RFXAP: variants seen among roughly 807,000 people sequenced by gnomAD.
The protein encoded by RFXAP is regulatory factor X-associated protein.
In RFXAP, 21 loss-of-function variants were observed where a neutral mutation model predicts 25.7. The ratio of observed to expected loss-of-function variants is 0.82; its 90% CI spans 0.58 to 1.18. RFXAP has a LOEUF of 1.18. RFXAP is among the 50% of genes most tolerant of loss of function. The pLI is 0.00. For synonymous variants in RFXAP, 161 were observed against 152.2 expected, an observed-to-expected ratio of 1.06 and a Z score of -0.43; for missense variants, 333 against 363.0, an observed-to-expected ratio of 0.92 and a Z score of 0.67.
chr13:36,819,987 G>A, intron 1 of RFXAP, 30 bp downstream of exon 1: 3 of 1,610,426 alleles, frequency 1.9e-6, no homozygotes, highest in Non-Finnish European at 2.5e-6. Context: ...CCTGGGGATG[G>A]GAGGTGGAAG....
chr13:36,819,264 C>T lies in RFXAP; in HGVS notation c.-94C>T, dbSNP rs972548261. ...CTTCCCGGTATAGGCGCCTTTTACC[C>T]CAGCGTGTCCTGAGTCTTTGGTTCG... is the stretch of plus-strand genomic sequence containing the variant. On this transcript the variant is annotated 5_prime_UTR_variant, in exon 1 of 3. Transcript: ENST00000255476. The T allele has an allele frequency of 3.4e-5, 40 of 1,186,562 alleles. No individual in the cohort carries two copies. The highest frequency in any genetic ancestry group is 4.2e-5 in the Non-Finnish European group (40 of 950,922). The allele number at this position is 1,186,562 out of a possible 1,614,324, so 73.5% of individuals were successfully genotyped here.
intron 1 of RFXAP, among the ~76,000 whole-genome samples, chr13:36,824,081 A>C (rs1213427282): frequency 6.6e-6 from 1 of 152,184 alleles, no homozygotes; most frequent in Non-Finnish European, 1.5e-5. Flanking sequence ...CAACATCTGT[A>C]CAAGTTTGGA....
intron 1 of RFXAP, among the ~76,000 whole-genome samples, chr13:36,820,668 A>G (rs970782158): frequency 3.3e-5 from 5 of 152,192 alleles, no homozygotes; most frequent in African/African-American, 1.2e-4. Flanking sequence ...GGGGAAAAAA[A>G]GGATGATAAT....
intron 1 of RFXAP, among the ~76,000 whole-genome samples, chr13:36,822,506 C>A (rs2323115): frequency 0.87 from 132,461 of 152,020 alleles, 58,093 homozygotes; most frequent in Non-Finnish European, 0.93. Context: ...ACTGAATTAG[C>A]GTCTCCCTCT....
intron 2 of RFXAP, among the ~76,000 whole-genome samples, chr13:36,826,532 TC>T (rs1289948421): frequency 6.6e-6 from 1 of 152,180 alleles, no homozygotes; most frequent in Admixed American, 6.5e-5. Flanking sequence ...CCAGGAGTCA[TC>T]CCTTTCAACT....
rs760419590 is a variant in RFXAP at position 36,825,543 on chromosome 13, T to C, written c.708+8T>C. On this transcript the variant is annotated splice_region_variant and intron_variant, in intron 2 of 2. Coordinates refer to ENST00000255476, the MANE Select transcript of RFXAP (RefSeq NM_000538.4). ...TTAAATCAAAAAAGACTGGTAAATA[T>C]CTGTTTGTAAATCAGTTATAAATGT... The C allele has an allele frequency of 6.4e-7, 1 of 1,572,182 alleles. No homozygotes were observed. The highest frequency in any genetic ancestry group is 8.7e-7 in the Non-Finnish European group (1 of 1,144,528).
At chr13:36,823,553 G>A (rs550946043) in intron 1 of RFXAP, among the ~76,000 whole-genome samples, 5 of 152,254 alleles carry the variant, frequency 3.3e-5, no homozygotes, top group African/African-American at 9.6e-5. Context: ...AGACTCTTTC[G>A]AAGATTATTA....
Position 36,819,906 on chromosome 13 carries a change from G to C in RFXAP, c.549G>C (p.Leu183=). 1.9e-6 allele frequency: 3 copies of C among 1,613,812 alleles called. No homozygotes were observed. Among genetic ancestry groups the C allele is most frequent in the Non-Finnish European group, 2.5e-6 (3 of 1,179,924 alleles). The change falls in exon 1 of 3, where the codon CTG becomes CTC. Residue 183 remains leucine, a synonymous_variant. Transcript: ENST00000255476. The part of the protein sequence containing the change: ...KYKKKKSDQA[L]NCGGTASTGS... ...AAAAGAAGAAGAGCGACCAGGCCCT[G>C]AACTGCGGTGGGACTGCCTCGACTG...
At chr13:36,821,497 CAA>C (rs1399319558) in intron 1 of RFXAP, among the ~76,000 whole-genome samples, 2 of 151,608 alleles carry the variant, frequency 1.3e-5, no homozygotes, top group Non-Finnish European at 2.9e-5. Flanking sequence ...CCCATCTCAA[CAA>C]AAAAATTTTA....
chr13:36,823,961 T>G (rs2057970682), intron 1 of RFXAP, among the ~76,000 whole-genome samples: 1 of 152,170 alleles, frequency 6.6e-6, no homozygotes, highest in South Asian at 2.1e-4. Context: ...TAAGTAAAGC[T>G]ACCTAACATT....
rs2057952494 is a variant in RFXAP, at chr13:36,819,265, C to T, written c.-93C>T. 2 of 1,187,662 alleles carry T rather than the reference C, an allele frequency of 1.7e-6. No homozygotes were observed. Among genetic ancestry groups the T allele is most frequent in the South Asian group, 4.4e-5 (1 of 22,918 alleles). The allele number at this position is 1,187,662 out of a possible 1,614,324, so 73.6% of individuals were successfully genotyped here. Reference sequence around the variant, plus strand: ...TTCCCGGTATAGGCGCCTTTTACCCCAGCGTGTCCTGAGTCTTTGGTTCGC... The same window carrying T: ...TTCCCGGTATAGGCGCCTTTTACCCTAGCGTGTCCTGAGTCTTTGGTTCGC... On this transcript the variant is annotated 5_prime_UTR_variant, in exon 1 of 3. Transcript: ENST00000255476.
rs1283661951 is a variant in RFXAP at position 36,828,286 on chromosome 13, T to C, written c.*533T>C. 1 of 154,168 alleles carries C rather than the reference T, an allele frequency of 6.5e-6. No homozygotes were observed. Among genetic ancestry groups the C allele is most frequent in the African/African-American group, 2.4e-5 (1 of 41,482 alleles). 9.6% of individuals were successfully genotyped at this position (154,168 alleles called of 1,614,324 possible). On this transcript the variant is annotated 3_prime_UTR_variant, in exon 3 of 3. Transcript: ENST00000255476. ...TGATGGCTATTTTGTGGTGCTAACA[T>C]GTAGTTGGGGCACCTATAATTGGGT...
intron 1 of RFXAP, among the ~76,000 whole-genome samples, chr13:36,823,307 G>T (rs1566319911): frequency 1.3e-5 from 2 of 152,176 alleles, no homozygotes; most frequent in Non-Finnish European, 2.9e-5. Flanking sequence ...AGAGAAGTAG[G>T]AATACAGAAA....
At chr13:36,821,203 C>T (rs2057960705) in intron 1 of RFXAP, among the ~76,000 whole-genome samples, 1 of 110,428 alleles carries the variant, frequency 9.1e-6, no homozygotes, top group South Asian at 3.1e-4. Flanking sequence ...CATAGCAAGA[C>T]CCTGTCTCCT....
At chr13:36,823,706 A>G (rs2138216104) in intron 1 of RFXAP, among the ~76,000 whole-genome samples, 1 of 152,324 alleles carries the variant, frequency 6.6e-6, no homozygotes, top group East Asian at 1.9e-4. Context: ...TATTTCTTAC[A>G]CAAGTCAAGG....
rs1472015294 is a variant in RFXAP at position 36,819,326 on chromosome 13, G to A, written c.-32G>A. 5 of 1,250,380 alleles carry A rather than the reference G, an allele frequency of 4.0e-6. No individual in the cohort carries two copies. Among genetic ancestry groups the A allele is most frequent in the Admixed American group, 4.0e-5 (1 of 24,780 alleles). The allele number at this position is 1,250,380 out of a possible 1,614,324, so 77.5% of individuals were successfully genotyped here. A position where few individuals can be genotyped will look rare whatever the true frequency, so the allele number is the denominator to read the frequency against. Reference sequence around the variant, plus strand: ...TAGGCCAAGCAGGTGCTAAAAGCCCGGGGTCGTGGACCCCGGCCAGGTCTT... The same window carrying A: ...TAGGCCAAGCAGGTGCTAAAAGCCCAGGGTCGTGGACCCCGGCCAGGTCTT... On this transcript the variant is annotated 5_prime_UTR_variant, in exon 1 of 3. Transcript: ENST00000255476.
In RFXAP at chr13:36,825,312, C is replaced by T; in HGVS notation, c.601-116C>T. 3 of 781,560 alleles carry T rather than the reference C, an allele frequency of 3.8e-6. No homozygotes were observed. The South Asian group carries it at 4.4e-5, about 11-fold the overall frequency. The allele number at this position is 781,560 out of a possible 1,614,324, so 48.4% of individuals were successfully genotyped here. ...GAACTTTCCCAGAGTTGCCCAGAGA[C>T]TGGGCAAGAAGAAGGAAGAAATGCA... On this transcript the variant is annotated intron_variant, in intron 1 of 2. Coordinates refer to ENST00000255476, the MANE Select transcript of RFXAP (RefSeq NM_000538.4).
At position 36,827,744 on chromosome 13, in the gene RFXAP, A is replaced by G; in HGVS notation, c.810A>G (p.Thr270=). ...AAAGACAACAGCAGTTTCCAGGAAC[A>G]TCAATGTGAGGGAACTTACCAAGAA... ...LEQRQQQFPG[T]SM is the part of the protein sequence containing the mutation. The change falls in exon 3 of 3, where the codon ACA becomes ACG. Residue 270 remains threonine, a synonymous_variant. Transcript: ENST00000255476. 1.2e-6 allele frequency: 2 copies of G among 1,612,276 alleles called. No individual in the cohort carries two copies. Among genetic ancestry groups the G allele is most frequent in the Admixed American group, 1.7e-5 (1 of 59,858 alleles).
chr13:36,819,268 C>G lies in RFXAP; in HGVS notation c.-90C>G. ...CCGGTATAGGCGCCTTTTACCCCAG[C>G]GTGTCCTGAGTCTTTGGTTCGCGAA... On this transcript the variant is annotated 5_prime_UTR_variant, in exon 1 of 3. Transcript: ENST00000255476. 1 of 1,189,298 alleles carries G rather than the reference C, an allele frequency of 8.4e-7. No homozygotes were observed. The highest frequency in any genetic ancestry group is 1.0e-6 in the Non-Finnish European group (1 of 952,452). The allele number at this position is 1,189,298 out of a possible 1,614,324, so 73.7% of individuals were successfully genotyped here.
Sources: allele counts gnomAD v4.1 joint callset (sites outside exome capture counted in the v4.1 genomes callset), GRCh38; gene constraint gnomAD v4.1.1; transcripts MANE v1.5; gene names NCBI Gene and HGNC (gene_info 2026-07-23, HGNC 2026-07-21).